SCNN1D: variants seen among roughly 807,000 people sequenced by gnomAD.
SCNN1D encodes the protein epithelial sodium channel subunit delta.
A neutral mutation model predicts 87.8 loss-of-function variants in SCNN1D; 104 were observed. That is an observed-to-expected ratio of 1.18 (90% CI 1.01 to 1.39). The LOEUF (loss-of-function observed/expected upper bound fraction) is 1.39, where lower values mean the gene tolerates loss of function less well. SCNN1D is among the 40% of genes most tolerant of loss of function. The pLI is 0.00. For synonymous variants in SCNN1D, 628 were observed against 481.2 expected, an observed-to-expected ratio of 1.31 and a Z score of -3.99; for missense variants, 1,324 against 1,093.9, an observed-to-expected ratio of 1.21 and a Z score of -2.97.
chr1:1,287,216 C>T lies in SCNN1D; in HGVS notation c.1227C>T (p.Pro409=), dbSNP rs146976973. ...ATGTGGATATCCTGGCCCTGCTGCC[C>T]GCGGCATGGGAGGACAGCCACGGGA... The part of the protein sequence containing the change: ...FHYVDILALL[P]AAWEDSHGSQ... Residue 409 remains proline, a synonymous_variant, in exon 9 of 18, where the codon CCC becomes CCT. Transcript: ENST00000379116. 806 of 1,611,830 alleles carry T rather than the reference C, an allele frequency of 5.0e-4. No individual in the cohort carries two copies. The highest frequency in any genetic ancestry group is 6.2e-4 in the Non-Finnish European group (728 of 1,179,614).
intron 3 of SCNN1D, chr1:1,281,887 G>C (rs1640477545): frequency 1.8e-6 from 1 of 567,510 alleles, no homozygotes; most frequent in East Asian, 3.0e-5. Context: ...TGTCTGCCAG[G>C]CCACTCCCGG....
intron 7 of SCNN1D, 87 bp from the exon 8 acceptor site, chr1:1,286,681 C>A: frequency 7.7e-7 from 1 of 1,293,776 alleles, no homozygotes; most frequent in Non-Finnish European, 1.1e-6. Context: ...AGGGGAGGCA[C>A]TGCTGTCCCG....
At position 1,291,288 on chromosome 1, in the gene SCNN1D, G is replaced by A. The variant is rs1053844; in HGVS notation, c.2087G>A (p.Cys696Tyr). The A allele has an allele frequency of 6.4e-7, 1 of 1,570,840 alleles. No homozygotes were observed. Residue 696 changes from cysteine to tyrosine, a missense_variant, in exon 18 of 18, where the codon TGC becomes TAC. Coordinates refer to ENST00000379116, the MANE Select transcript of SCNN1D (RefSeq NM_001130413.4). Reference protein sequence around the residue: ...PQLLSAMGSLCSLWFGASVLS... With the variant: ...PQLLSAMGSLYSLWFGASVLS... ...CTGCTCTCGGCCATGGGCAGCCTCT[G>A]CAGCCTGTGGTTTGGGGCCTCCGTC...
At chr1:1,288,214 CTCCGT>C (rs1557584118) in intron 12 of SCNN1D, among the ~76,000 whole-genome samples, 177 bp downstream of exon 12, 3 of 145,962 alleles carry the variant, frequency 2.1e-5, no homozygotes, top group East Asian at 4.0e-4. Flanking sequence ...TGTGTCTCTG[CTCCGT>C]CCCGTGTCTC....
Position 1,285,956 on chromosome 1 carries a change from C to T in SCNN1D, c.589C>T (p.Pro197Ser). Reference protein sequence around the residue: ...AAAQTPPRPGPPSAPPPPPKE... With the variant: ...AAAQTPPRPGSPSAPPPPPKE... ...AGCCCAGACGCCCCCCAGGCCGGGGCCACCATCAGCACCACCACCACCACC... is the reference window on the plus strand; with the variant it reads ...AGCCCAGACGCCCCCCAGGCCGGGGTCACCATCAGCACCACCACCACCACC... Residue 197 changes from proline (P) to serine (S), a missense_variant, in exon 7 of 18, where the codon CCA (proline) becomes TCA (serine). Coordinates refer to ENST00000379116, the MANE Select transcript of SCNN1D (RefSeq NM_001130413.4). 6.4e-7 allele frequency: 1 copy of T among 1,558,254 alleles called. No homozygotes were observed. The highest frequency in any genetic ancestry group is 8.7e-7 in the Non-Finnish European group (1 of 1,149,656).
rs750146173 is a variant in SCNN1D, at chr1:1,287,538, C to T, written c.1341C>T (p.Tyr447=). The change falls in exon 10 of 18, where the codon TAC becomes TAT. Residue 447 remains tyrosine (Y), a synonymous_variant. Transcript: ENST00000379116. ...TCCGGACCTTCCACCACCCCACCTA[C>T]GGCAGCTGCTACACGGTCGATGGCG... The part of the protein sequence containing the change: ...RQFRTFHHPT[Y]GSCYTVDGVW... 3.8e-5 allele frequency: 58 copies of T among 1,533,352 alleles called. No individual in the cohort carries two copies. Among genetic ancestry groups the T allele is most frequent in the East Asian group, 2.5e-4 (11 of 44,006 alleles). The allele number at this position is 1,533,352 out of a possible 1,614,324, so 95.0% of individuals were successfully genotyped here.
rs368874286 is a variant in SCNN1D at position 1,287,811 on chromosome 1, C to T, written c.1538C>T (p.Thr513Met). 298 of 1,569,028 alleles carry T rather than the reference C, an allele frequency of 1.9e-4. 1 individual carries two copies. The South Asian group carries it at 2.5e-3, about 13-fold the overall frequency. ...CACAGCTTCAGCGTCCGGCCAGGGA[C>T]GGAGGCCACCATCAGCATCCGAGAG... is the stretch of plus-strand genomic sequence containing the variant. The part of the protein sequence containing the change: ...GHHSFSVRPG[T>M]EATISIREDE... The change falls in exon 11 of 18, where the codon ACG (threonine) becomes ATG (methionine). Residue 513 changes from threonine (T) to methionine (M), a missense_variant. Thr to Met is a moderately conservative substitution (Grantham distance 81). Coordinates refer to ENST00000379116, the MANE Select transcript of SCNN1D (RefSeq NM_001130413.4).
chr1:1,286,763 C>G lies in SCNN1D; in HGVS notation c.912-5C>G. The G allele has an allele frequency of 3.7e-6, 6 of 1,612,030 alleles. No individual in the cohort carries two copies. Among genetic ancestry groups the G allele is most frequent in the Non-Finnish European group, 5.1e-6 (6 of 1,179,550 alleles). ...CAACTCTGACTCCAGGGCCCTGCGT[C>G]CCAGGCCGAGTCCGGTCCTCCGCCA... On this transcript the variant is annotated splice_polypyrimidine_tract_variant and splice_region_variant and intron_variant, in intron 7 of 17. Coordinates refer to ENST00000379116, the MANE Select transcript of SCNN1D (RefSeq NM_001130413.4).
rs150956155 is a variant in SCNN1D, at chr1:1,287,532, C to T, written c.1335C>T (p.Pro445=). 2.6e-6 allele frequency: 4 copies of T among 1,529,452 alleles called. No individual in the cohort carries two copies. The African/African-American group carries it at 4.1e-5, about 16-fold the overall frequency. The allele number at this position is 1,529,452 out of a possible 1,614,324, so 94.7% of individuals were successfully genotyped here. The change falls in exon 10 of 18, where the codon CCC becomes CCT. Residue 445 remains proline (P), a synonymous_variant. Transcript: ENST00000379116. ...GACAGTTCCGGACCTTCCACCACCC[C>T]ACCTACGGCAGCTGCTACACGGTCG... The part of the protein sequence containing the change: ...QARQFRTFHH[P]TYGSCYTVDG...
At chr1:1,290,744 C>T in intron 15 of SCNN1D, 50 bp downstream of exon 15, 1 of 1,598,912 alleles carries the variant, frequency 6.3e-7, no homozygotes, top group Non-Finnish European at 8.6e-7. Context: ...AGGCAGACCC[C>T]ACAGGTCCCA....
rs114376334 is a variant in SCNN1D, at chr1:1,291,061, C to T, written c.1977-4C>T. ...AGCGCCCTCATGCCTCTATCCTGCC[C>T]CAGGAGCAGCCTGGCCAAAATCAAC... On this transcript the variant is annotated splice_polypyrimidine_tract_variant and splice_region_variant and intron_variant, in intron 16 of 17. Coordinates refer to ENST00000379116, the MANE Select transcript of SCNN1D (RefSeq NM_001130413.4). 1,179 of 1,611,830 alleles carry T rather than the reference C, an allele frequency of 7.3e-4. 9 individuals carry two copies. The African/African-American group carries it at 0.014, about 20-fold the overall frequency.
At chr1:1,280,941 C>T (rs576300482) in intron 1 of SCNN1D, 6 of 580,826 alleles carry the variant, frequency 1.0e-5, no homozygotes, top group Non-Finnish European at 1.8e-5. Flanking sequence ...TCTGCGGAGG[C>T]TCCACTGGAC....
In SCNN1D at chr1:1,286,761, G is replaced by A. The variant is rs751114855; in HGVS notation, c.912-7G>A. ...GGCAACTCTGACTCCAGGGCCCTGC[G>A]TCCCAGGCCGAGTCCGGTCCTCCGC... On this transcript the variant is annotated splice_polypyrimidine_tract_variant and splice_region_variant and intron_variant, in intron 7 of 17. Coordinates refer to ENST00000379116, the MANE Select transcript of SCNN1D (RefSeq NM_001130413.4). 3.4e-5 allele frequency: 55 copies of A among 1,611,816 alleles called. No homozygotes were observed. The highest frequency in any genetic ancestry group is 1.6e-4 in the Middle Eastern group (1 of 6,082).
At chr1:1,280,745 G>T (rs943091372) in intron 1 of SCNN1D, 79 bp downstream of exon 1, 7 of 693,556 alleles carry the variant, frequency 1.0e-5, no homozygotes, top group African/African-American at 1.7e-5. Flanking sequence ...AAGACCAGGG[G>T]TCCATCCAGA....
chr1:1,283,415 T>C (rs1640509647), intron 4 of SCNN1D, among the ~76,000 whole-genome samples: 1 of 151,842 alleles, frequency 6.6e-6, no homozygotes, highest in South Asian at 2.1e-4. Context: ...ATGGGGCTTC[T>C]GGGCCGGGCA....
rs772725017 is a variant in SCNN1D at position 1,286,253 on chromosome 1, A to G, written c.886A>G (p.Thr296Ala). The G allele has an allele frequency of 1.3e-6, 2 of 1,587,476 alleles. No individual in the cohort carries two copies. The highest frequency in any genetic ancestry group is 2.2e-5 in the South Asian group (2 of 89,596). Reference protein sequence around the residue: ...HSERKLLPLVTLCDGNPRRPS... With the variant: ...HSERKLLPLVALCDGNPRRPS... ...GGAGCGCAAGCTGCTCCCGCTGGTC[A>G]CCCTGTGTGACGGGAACCCACGTCG... Residue 296 changes from threonine to alanine, a missense_variant, in exon 7 of 18, where the codon ACC (threonine) becomes GCC (alanine). Thr to Ala is a moderately conservative substitution (Grantham distance 58). Transcript: ENST00000379116.
intron 12 of SCNN1D, among the ~76,000 whole-genome samples, chr1:1,288,818 A>T (rs9439428): frequency 0.013 from 1 of 76 alleles, no homozygotes; most frequent in Non-Finnish European, 0.018. Context: ...CCGTCCCCCG[A>T]GTCTCTGCTC....
rs1640795581 is a variant in SCNN1D, at chr1:1,291,050, T to C, written c.1977-15T>C. ...AGGTCTGGGCCAGCGCCCTCATGCC[T>C]CTATCCTGCCCCAGGAGCAGCCTGG... On this transcript the variant is annotated splice_polypyrimidine_tract_variant and intron_variant, in intron 16 of 17. Coordinates refer to ENST00000379116, the MANE Select transcript of SCNN1D (RefSeq NM_001130413.4). The C allele has an allele frequency of 6.2e-7, 1 of 1,602,992 alleles. No individual in the cohort carries two copies. The highest frequency in any genetic ancestry group is 8.5e-7 in the Non-Finnish European group (1 of 1,176,664).
chr1:1,282,363 T>C (rs1458027833), intron 4 of SCNN1D, 48 bp downstream of exon 4: 2 of 1,543,904 alleles, frequency 1.3e-6, no homozygotes, highest in Admixed American at 2.0e-5. Flanking sequence ...TGCTGGACCC[T>C]GTGGGGCTGG....
Sources: allele counts gnomAD v4.1 joint callset (sites outside exome capture counted in the v4.1 genomes callset), GRCh38; gene constraint gnomAD v4.1.1; transcripts MANE v1.5; gene names NCBI Gene and HGNC (gene_info 2026-07-23, HGNC 2026-07-21).